PLPPR5: variants seen among roughly 807,000 people sequenced by gnomAD.
PLPPR5 encodes the protein phospholipid phosphatase-related protein type 5.
A neutral mutation model predicts 33.9 loss-of-function variants in PLPPR5; 16 were observed. That is an observed-to-expected ratio of 0.47 (90% CI 0.32 to 0.72). The LOEUF (loss-of-function observed/expected upper bound fraction) is 0.72. Among genes scored for constraint, PLPPR5 ranks in the 30% least tolerant of loss-of-function variants. PLPPR5 has a pLI of 0.03. For missense variants in PLPPR5, 301 were observed against 406.7 expected (o/e 0.74, Z 2.23); for synonymous variants, 163 against 150.3 (o/e 1.08, Z -0.62).
intron 1 of PLPPR5, among the ~76,000 whole-genome samples, chr1:99,003,187 G>T (rs2100771902): frequency 6.7e-6 from 1 of 148,802 alleles, no homozygotes; most frequent in Non-Finnish European, 1.5e-5. Context: ...ATGTGATAAA[G>T]TTACTTTAAG....
chr1:98,974,046 A>C (rs1252449466), intron 1 of PLPPR5, among the ~76,000 whole-genome samples: 1 of 152,022 alleles, frequency 6.6e-6, no homozygotes, highest in Non-Finnish European at 1.5e-5. Context: ...GCGGGAAAGC[A>C]AAAGGGCACA....
At chr1:98,978,263 TTTTCAATTGTATA>T (rs908016389) in intron 1 of PLPPR5, among the ~76,000 whole-genome samples, 3 of 152,032 alleles carry the variant, frequency 2.0e-5, no homozygotes, top group African/African-American at 7.2e-5. Flanking sequence ...GGGTGCTACA[TTTTCAATTGTATA>T]TTTCAATTGT....
chr1:98,921,775 T>C (rs900629546), intron 4 of PLPPR5, 107 bp downstream of exon 4: 3 of 842,458 alleles, frequency 3.6e-6, no homozygotes, highest in Non-Finnish European at 5.5e-6. Context: ...ATGATTTGTT[T>C]GATATACTAC....
At chr1:98,923,906 A>T (rs10489918) in intron 3 of PLPPR5, among the ~76,000 whole-genome samples, 26,346 of 152,200 alleles carry the variant, frequency 0.17, 2,541 homozygotes, top group Non-Finnish European at 0.22. Flanking sequence ...GGTTTCAGTG[A>T]TGCAGCTAAT....
intron 3 of PLPPR5, among the ~76,000 whole-genome samples, chr1:98,938,330 G>A (rs1290146454): frequency 2.0e-5 from 3 of 150,978 alleles, no homozygotes; most frequent in Non-Finnish European, 2.9e-5. Context: ...GGAGGCTGAA[G>A]TGGGAGAACT....
At chr1:99,000,971 T>C (rs1418405223) in intron 1 of PLPPR5, among the ~76,000 whole-genome samples, 1 of 152,158 alleles carries the variant, frequency 6.6e-6, no homozygotes, top group Non-Finnish European at 1.5e-5. Context: ...AACAATAATG[T>C]TAATGATGTA....
At chr1:98,926,246 T>A (rs13375860) in intron 3 of PLPPR5, among the ~76,000 whole-genome samples, 81 of 152,186 alleles carry the variant, frequency 5.3e-4, no homozygotes, top group African/African-American at 1.9e-3. Flanking sequence ...CCTCAAAGAG[T>A]ACAGCCCAAA....
At chr1:98,963,748 T>C (rs960938451) in intron 1 of PLPPR5, among the ~76,000 whole-genome samples, 2 of 152,110 alleles carry the variant, frequency 1.3e-5, no homozygotes, top group African/African-American at 4.8e-5. Context: ...TTTCAAAAGA[T>C]AGGAGATAGG....
chr1:98,895,746 A>G (rs1198029148), intron 5 of PLPPR5, among the ~76,000 whole-genome samples: 1 of 151,954 alleles, frequency 6.6e-6, no homozygotes, highest in African/African-American at 2.4e-5. Flanking sequence ...TTAACTTCTG[A>G]GGTGCTTTCA....
intron 1 of PLPPR5, among the ~76,000 whole-genome samples, chr1:98,986,535 A>G (rs1461711633): frequency 6.6e-6 from 1 of 151,894 alleles, no homozygotes; most frequent in African/African-American, 2.4e-5. Flanking sequence ...AAGTATAAGG[A>G]TATATTTTTG....
intron 3 of PLPPR5, among the ~76,000 whole-genome samples, chr1:98,939,618 A>C (rs1295343305): frequency 6.6e-6 from 1 of 152,020 alleles, no homozygotes; most frequent in Non-Finnish European, 1.5e-5. Context: ...ACACTCAACC[A>C]GATGCTCTGC....
At chr1:99,003,282 T>C (rs1416359466) in intron 1 of PLPPR5, among the ~76,000 whole-genome samples, 1 of 151,536 alleles carries the variant, frequency 6.6e-6, no homozygotes, top group East Asian at 1.9e-4. Context: ...TAGTAAGTCA[T>C]TGCTCCTAAA....
intron 5 of PLPPR5, among the ~76,000 whole-genome samples, chr1:98,905,160 T>C (rs1648849615): frequency 6.6e-6 from 1 of 152,130 alleles, no homozygotes; most frequent in South Asian, 2.1e-4. Flanking sequence ...AGTCCCTTTA[T>C]GGAAGGACTT....
chr1:98,929,329 A>G (rs545938997), intron 3 of PLPPR5, among the ~76,000 whole-genome samples: 1 of 152,354 alleles, frequency 6.6e-6, no homozygotes, highest in East Asian at 1.9e-4. Flanking sequence ...ATTTGGATTA[A>G]AACTATACAT....
At chr1:98,939,932 A>G (rs892582427) in intron 3 of PLPPR5, among the ~76,000 whole-genome samples, 4 of 151,934 alleles carry the variant, frequency 2.6e-5, no homozygotes, top group Non-Finnish European at 5.9e-5. Flanking sequence ...GCTAATGGAC[A>G]CACAAAAAGG....
chr1:98,952,949 C>T, intron 3 of PLPPR5, 121 bp downstream of exon 3: 1 of 1,182,648 alleles, frequency 8.5e-7, no homozygotes, highest in Non-Finnish European at 1.2e-6. Flanking sequence ...GATTAAATGG[C>T]CTACAGAAAG....
At chr1:98,910,723 A>G (rs754114478) in intron 5 of PLPPR5, among the ~76,000 whole-genome samples, 1 of 152,098 alleles carries the variant, frequency 6.6e-6, no homozygotes, top group Non-Finnish European at 1.5e-5. Context: ...CAGCAGGTGC[A>G]CTAACACGCG....
At chr1:98,896,753 T>C (rs1021876975) in intron 5 of PLPPR5, among the ~76,000 whole-genome samples, 1 of 152,098 alleles carries the variant, frequency 6.6e-6, no homozygotes, top group Non-Finnish European at 1.5e-5. Context: ...CTCTATAGCA[T>C]GTCCATTTTA....
chr1:99,004,305 G>C (rs984969442), intron 1 of PLPPR5, 130 bp downstream of exon 1: 14 of 773,404 alleles, frequency 1.8e-5, no homozygotes, highest in Non-Finnish European at 2.0e-6. Context: ...CTGGGGAAGG[G>C]GCTGCCCATA....
Sources: gnomAD v4.1 joint callset for allele counts (sites outside exome capture counted in the v4.1 genomes callset) on GRCh38, gnomAD v4.1.1 for gene constraint, MANE v1.5 for transcripts, NCBI Gene and HGNC (gene_info 2026-07-23, HGNC 2026-07-21) for gene names.